The following TAFA5 variants were observed in gnomAD, a reference collection of about 807,000 sequenced individuals.
TAFA5 encodes chemokine-like protein TAFA-5.
A neutral mutation model predicts 15.3 loss-of-function variants in TAFA5; 6 were observed. The observed-to-expected ratio is 0.39, with a 90% confidence interval of 0.21 to 0.77. The LOEUF (loss-of-function observed/expected upper bound fraction) is 0.77, where lower values mean the gene tolerates loss of function less well. Among genes scored for constraint, TAFA5 ranks in the 30% least tolerant of loss-of-function variants. The pLI is 0.41. For synonymous variants in TAFA5, 103 were observed against 80.7 expected (o/e 1.28, Z -1.48); for missense variants, 161 against 193.1 (o/e 0.83, Z 0.98).
intron 1 of TAFA5, among the ~76,000 whole-genome samples, chr22:48,577,387 C>T (rs1601590240): frequency 6.6e-6 from 1 of 152,140 alleles, no homozygotes; most frequent in Non-Finnish European, 1.5e-5. Flanking sequence ...CCCGGTGCAC[C>T]CCGGGATCAG....
chr22:48,528,981 C>G (rs922118363), intron 1 of TAFA5, among the ~76,000 whole-genome samples: 17 of 152,182 alleles, frequency 1.1e-4, no homozygotes, highest in African/African-American at 4.1e-4. Flanking sequence ...AAGGCTCAGG[C>G]AGGTGGGGTG....
intron 3 of TAFA5, among the ~76,000 whole-genome samples, chr22:48,734,994 G>T (rs9628524): frequency 6.6e-6 from 1 of 152,294 alleles, no homozygotes; most frequent in South Asian, 2.1e-4. Flanking sequence ...GAGGAAGAAC[G>T]CTGCGATTGT....
chr22:48,730,404 G>GAA (rs1163728444), intron 3 of TAFA5, among the ~76,000 whole-genome samples: 1 of 151,978 alleles, frequency 6.6e-6, no homozygotes, highest in Non-Finnish European at 1.5e-5. Flanking sequence ...AAGAAAGAAA[G>GAA]AAAAGGCCAC....
chr22:48,734,743 C>T (rs1238353101), intron 3 of TAFA5, among the ~76,000 whole-genome samples: 1 of 152,216 alleles, frequency 6.6e-6, no homozygotes, highest in Non-Finnish European at 1.5e-5. Flanking sequence ...TGAAATGAAC[C>T]CAGGTGTTCC....
chr22:48,629,934 G>A (rs140707855), intron 1 of TAFA5, among the ~76,000 whole-genome samples: 9 of 152,334 alleles, frequency 5.9e-5, no homozygotes, highest in Non-Finnish European at 1.2e-4. Flanking sequence ...CTGGGGTCAC[G>A]TGCTTTAAAA....
At chr22:48,709,676 C>T (rs1183866346) in intron 3 of TAFA5, among the ~76,000 whole-genome samples, 3 of 152,238 alleles carry the variant, frequency 2.0e-5, no homozygotes, top group African/African-American at 7.2e-5. Flanking sequence ...CCCAGGCCAG[C>T]GTTCAGGCTG....
At chr22:48,602,221 C>T (rs1371875164) in intron 1 of TAFA5, among the ~76,000 whole-genome samples, 1 of 152,218 alleles carries the variant, frequency 6.6e-6, no homozygotes, top group Non-Finnish European at 1.5e-5. Context: ...TCCTCAGAGA[C>T]AGTGTGCATG....
At chr22:48,601,491 G>A (rs1010786127) in intron 1 of TAFA5, among the ~76,000 whole-genome samples, 1 of 151,750 alleles carries the variant, frequency 6.6e-6, no homozygotes, top group East Asian at 1.9e-4. Context: ...CATGCCCGGC[G>A]AATTTTTGCA....
chr22:48,575,078 G>C (rs1344629869), intron 1 of TAFA5, among the ~76,000 whole-genome samples: 1 of 152,162 alleles, frequency 6.6e-6, no homozygotes, highest in Non-Finnish European at 1.5e-5. Flanking sequence ...AGCCTCCTCC[G>C]AGCCCTCCCA....
Position 48,540,453 on chromosome 22 carries a change from C to G in TAFA5, c.112+50749C>G, listed in dbSNP as rs16999352. 0.016 allele frequency among the ~76,000 whole-genome samples: 2,504 copies of G among 152,316 alleles called. 125 individuals carry two copies. In the East Asian group the frequency reaches 0.18, roughly 11 times the overall value. On this transcript the variant is annotated intron_variant, in intron 1 of 3. Coordinates refer to ENST00000402357, the MANE Select transcript of TAFA5 (RefSeq NM_001082967.3). The stretch of plus-strand genomic sequence containing the variant: ...TGGGAACGATGACCGATTACCCGAC[C>G]TCTCTGCTCCAGTCCCTGGTCCCCT...
chr22:48,640,797 A>T (rs1294770557), intron 1 of TAFA5, among the ~76,000 whole-genome samples: 1 of 151,842 alleles, frequency 6.6e-6, no homozygotes, highest in Non-Finnish European at 1.5e-5. Context: ...CAGGCTCCCC[A>T]GTTGGGGAGG....
chr22:48,617,544 G>A (rs773249014), intron 1 of TAFA5, among the ~76,000 whole-genome samples: 3 of 152,230 alleles, frequency 2.0e-5, no homozygotes, highest in Admixed American at 6.5e-5. Context: ...CCCCGGAAGC[G>A]CCTCTCGCAG....
chr22:48,557,149 A>T (rs1416894447), intron 1 of TAFA5, among the ~76,000 whole-genome samples: 1 of 152,026 alleles, frequency 6.6e-6, no homozygotes, highest in Non-Finnish European at 1.5e-5. Context: ...TCTCCCCAAA[A>T]TCCGTATGTT....
chr22:48,619,139 T>C (rs1235625653), intron 1 of TAFA5, among the ~76,000 whole-genome samples: 2 of 152,186 alleles, frequency 1.3e-5, no homozygotes, highest in Non-Finnish European at 2.9e-5. Flanking sequence ...TATCTAGTGG[T>C]CTTTTCTTCC....
At chr22:48,641,611 G>A (rs1358400428) in intron 1 of TAFA5, among the ~76,000 whole-genome samples, 1 of 102,524 alleles carries the variant, frequency 9.8e-6, no homozygotes, top group Non-Finnish European at 1.9e-5. Context: ...CCCTCCGCTC[G>A]CACACAACAC....
At chr22:48,626,645 A>G (rs1452673422) in intron 1 of TAFA5, among the ~76,000 whole-genome samples, 1 of 152,152 alleles carries the variant, frequency 6.6e-6, no homozygotes, top group African/African-American at 2.4e-5. Flanking sequence ...TTGTCTTTTC[A>G]TCCTCTTCAC....
At position 48,560,186 on chromosome 22, in the gene TAFA5, C is replaced by T. The variant is rs1923180686; in HGVS notation, c.112+70482C>T. ...CTGCTCTCAGCAGGGGACCGTTTCT[C>T]TAACGGGAGCCTGTCAGTTTCTGGG... On this transcript the variant is annotated intron_variant, in intron 1 of 3. Transcript: ENST00000402357. The surrounding 1 kb of genome is among the most constrained non-coding windows in gnomAD (Gnocchi z 4.2). Among the ~76,000 whole-genome samples, 1 of 152,230 alleles carries T rather than the reference C, an allele frequency of 6.6e-6. No individual in the cohort carries two copies. The highest frequency in any genetic ancestry group is 6.5e-5 in the Admixed American group (1 of 15,288).
chr22:48,647,588 G>A (rs1370721525), intron 2 of TAFA5, among the ~76,000 whole-genome samples: 1 of 152,158 alleles, frequency 6.6e-6, no homozygotes, highest in Admixed American at 6.5e-5. Context: ...GGCATCTGGT[G>A]TCAACACCAG....
At chr22:48,663,925 C>T (rs956088834) in intron 2 of TAFA5, among the ~76,000 whole-genome samples, 5 of 152,152 alleles carry the variant, frequency 3.3e-5, no homozygotes, top group South Asian at 4.1e-4. Flanking sequence ...AGAAAGAAGC[C>T]GTGAAGTGCT....
Sources: allele counts gnomAD v4.1 joint callset (sites outside exome capture counted in the v4.1 genomes callset), GRCh38; gene constraint gnomAD v4.1.1; non-coding constraint Gnocchi (gnomAD v3.1); transcripts MANE v1.5; gene names NCBI Gene and HGNC (gene_info 2026-07-23, HGNC 2026-07-21).